The following WDR93 variants were observed in gnomAD, a reference collection of about 807,000 sequenced individuals.
The protein encoded by WDR93 is WD repeat domain 93.
A neutral mutation model predicts 82.9 loss-of-function variants in WDR93; 73 were observed. That is an observed-to-expected ratio of 0.88 (90% CI 0.73 to 1.07). The LOEUF (loss-of-function observed/expected upper bound fraction) is 1.07. Among genes scored for constraint, WDR93 ranks in the 50% least tolerant of loss-of-function variants. The pLI is 0.00. For missense variants in WDR93, 738 were observed against 826.0 expected (o/e 0.89, Z 1.31); for synonymous variants, 283 against 300.1 (o/e 0.94, Z 0.59).
At chr15:89,730,352 T>C (rs998250676) in intron 11 of WDR93, among the ~76,000 whole-genome samples, 8 of 146,646 alleles carry the variant, frequency 5.5e-5, no homozygotes, top group African/African-American at 2.0e-4. Context: ...AAGAGAGAGA[T>C]TGAGAAAGTA....
In WDR93 at chr15:89,712,151, C is replaced by T. The variant is rs182202859; in HGVS notation, c.640+47C>T. ...TAAGGTTCAAATTTTCAGTCTCTTC[C>T]AATCTTCCAAATGATTGCTTTTGTC... On this transcript the variant is annotated intron_variant, in intron 5 of 16. Coordinates refer to ENST00000268130, the MANE Select transcript of WDR93 (RefSeq NM_020212.2). The T allele has an allele frequency of 7.6e-6, 11 of 1,440,678 alleles. No homozygotes were observed. The Admixed American group carries it at 2.0e-4, about 26-fold the overall frequency. 89.2% of individuals were successfully genotyped at this position (1,440,678 alleles called of 1,614,324 possible). A position where few individuals can be genotyped will look rare whatever the true frequency, so the allele number is the denominator to read the frequency against.
chr15:89,731,483 C>A lies in WDR93; in HGVS notation c.1251C>A (p.Val417=). ...GVWPCAAPIA[V]SQLSCSSSYL... is the part of the protein sequence containing the mutation. ...GGCCCTGTGCTGCGCCCATTGCAGT[C>A]TCTCAGCTCAGCTGCTCCTCCTCCT... The change falls in exon 12 of 17, where the codon GTC becomes GTA. Residue 417 remains valine (V), a synonymous_variant. Transcript: ENST00000268130. The A allele has an allele frequency of 6.2e-7, 1 of 1,614,206 alleles. No homozygotes were observed. Among genetic ancestry groups the A allele is most frequent in the Non-Finnish European group, 8.5e-7 (1 of 1,180,028 alleles).
intron 16 of WDR93, among the ~76,000 whole-genome samples, chr15:89,739,424 G>A (rs757402150): frequency 5.3e-5 from 8 of 152,228 alleles, no homozygotes; most frequent in East Asian, 3.9e-4. Flanking sequence ...CAGATAAACC[G>A]TTATGTGTGT....
At chr15:89,690,552 C>A, upstream of WDR93, 4 of 1,542,842 alleles carry the variant, frequency 2.6e-6, no homozygotes, top group Middle Eastern at 1.7e-4. Flanking sequence ...GAGAAAGGGG[C>A]GGAGGCCGCT....
intron 1 of WDR93, among the ~76,000 whole-genome samples, chr15:89,691,880 A>T (rs8039119): frequency 0.64 from 97,589 of 152,058 alleles, 32,050 homozygotes; most frequent in Non-Finnish European, 0.71. Flanking sequence ...AACAAATTGT[A>T]AAGTAAAATA....
At chr15:89,729,809 C>G (rs16943559) in intron 11 of WDR93, 40 bp downstream of exon 11, 325,183 of 1,519,250 alleles carry the variant, frequency 0.21, 37,160 homozygotes, top group Middle Eastern at 0.33. Context: ...AAGCTCAGGA[C>G]TTGCAGACAT....
At chr15:89,738,418 G>C (rs2141719833) in intron 16 of WDR93, among the ~76,000 whole-genome samples, 182 bp downstream of exon 16, 1 of 152,264 alleles carries the variant, frequency 6.6e-6, no homozygotes, top group East Asian at 1.9e-4. Context: ...CCTGAGGTGA[G>C]GAGTTCAAGA....
At chr15:89,714,934 T>C (rs1368037953) in intron 5 of WDR93, 46 bp from the exon 6 acceptor site, 1 of 1,528,230 alleles carries the variant, frequency 6.5e-7, no homozygotes, top group South Asian at 1.2e-5. Flanking sequence ...AGGAAACTTG[T>C]GGCTCTCTTA....
chr15:89,733,176 G>A lies in WDR93; in HGVS notation c.1501G>A (p.Ala501Thr). 2 of 1,614,076 alleles carry A rather than the reference G, an allele frequency of 1.2e-6. No homozygotes were observed. The highest frequency in any genetic ancestry group is 1.7e-6 in the Non-Finnish European group (2 of 1,179,934). The change falls in exon 13 of 17, where the codon GCT (alanine) becomes ACT (threonine). Residue 501 changes from alanine to threonine, a missense_variant. Transcript: ENST00000268130. ...CTDASLHLVEASGTQGPTISV... is the reference protein window; with the variant it reads ...CTDASLHLVETSGTQGPTISV... ...AGACGCCTCCCTCCATCTGGTGGAGGCTAGCGGGACCCAAGGACCCACCAT... is the reference window on the plus strand; with the variant it reads ...AGACGCCTCCCTCCATCTGGTGGAGACTAGCGGGACCCAAGGACCCACCAT...
intron 4 of WDR93, among the ~76,000 whole-genome samples, chr15:89,709,850 G>A (rs1965882529): frequency 7.2e-6 from 1 of 139,148 alleles, no homozygotes; most frequent in Admixed American, 7.3e-5. Flanking sequence ...CATAGCAGCT[G>A]TATTTGTAAT....
chr15:89,735,215 C>A (rs1967065496), intron 13 of WDR93, among the ~76,000 whole-genome samples: 1 of 152,156 alleles, frequency 6.6e-6, no homozygotes, highest in Non-Finnish European at 1.5e-5. Flanking sequence ...TCTTGCTTTG[C>A]AACATTGTTC....
chr15:89,727,117 G>C (rs753703090), intron 8 of WDR93, 40 bp from the exon 9 acceptor site: 1 of 1,593,740 alleles, frequency 6.3e-7, no homozygotes, highest in Non-Finnish European at 8.6e-7. Flanking sequence ...GAAAGGGGGA[G>C]TCACATGGCT....
intron 7 of WDR93, chr15:89,721,215 A>G (rs1463786265): frequency 6.6e-6 from 1 of 152,212 alleles, no homozygotes; most frequent in African/African-American, 2.4e-5. Context: ...TATATTTAAT[A>G]TAACGAGTTT....
In WDR93 at chr15:89,741,722, G is replaced by A. The variant is rs537041472; in HGVS notation, c.1962-1570G>A. The stretch of plus-strand genomic sequence containing the variant: ...AGTGTTTAAATATATTCATATAACC[G>A]GTTATATAAATCTAAATATAAAACC... On this transcript the variant is annotated intron_variant, in intron 16 of 16. Transcript: ENST00000268130. Among the ~76,000 whole-genome samples, 52 of 152,068 alleles carry A rather than the reference G, an allele frequency of 3.4e-4. 1 individual carries two copies. Among genetic ancestry groups the A allele is most frequent in the East Asian group, 3.1e-3 (16 of 5,170 alleles).
chr15:89,694,750 G>T (rs2141575331), intron 1 of WDR93, among the ~76,000 whole-genome samples: 1 of 152,224 alleles, frequency 6.6e-6, no homozygotes, highest in East Asian at 1.9e-4. Context: ...GTCATATCTA[G>T]GAAATCTTTG....
chr15:89,709,987 C>T (rs931950907), intron 4 of WDR93, among the ~76,000 whole-genome samples: 3 of 152,000 alleles, frequency 2.0e-5, no homozygotes, highest in Non-Finnish European at 2.9e-5. Flanking sequence ...GGTGAAACCC[C>T]GTCTCTACTA....
intron 1 of WDR93, among the ~76,000 whole-genome samples, chr15:89,694,056 T>G (rs1459973146): frequency 6.6e-6 from 1 of 152,166 alleles, no homozygotes; most frequent in Non-Finnish European, 1.5e-5. Context: ...CAACAACACT[T>G]TCATGGTCTA....
At chr15:89,725,650 C>T (rs1471002105) in intron 8 of WDR93, among the ~76,000 whole-genome samples, 1 of 150,894 alleles carries the variant, frequency 6.6e-6, no homozygotes, top group Non-Finnish European at 1.5e-5. Context: ...CTCACTGTGA[C>T]CTCTGCTTCC....
chr15:89,731,785 C>A (rs1966861782), intron 12 of WDR93, among the ~76,000 whole-genome samples: 1 of 152,208 alleles, frequency 6.6e-6, no homozygotes, highest in Non-Finnish European at 1.5e-5. Context: ...TATTGAGTGA[C>A]TTCTCTGAGC....
Sources: allele counts gnomAD v4.1 joint callset (sites outside exome capture counted in the v4.1 genomes callset), GRCh38; gene constraint gnomAD v4.1.1; transcripts MANE v1.5; gene names NCBI Gene and HGNC (gene_info 2026-07-23, HGNC 2026-07-21).